The following GTF2A1L variants were observed in gnomAD, a reference collection of about 807,000 sequenced individuals.
GTF2A1L encodes TFIIA-alpha and beta-like factor.
Under a neutral mutation model 49.7 loss-of-function variants are expected in GTF2A1L, and 48 were observed. The observed-to-expected ratio is 0.97, with a 90% confidence interval of 0.77 to 1.23. GTF2A1L has a LOEUF of 1.23. Among genes scored for constraint, GTF2A1L ranks in the 50% most tolerant of loss-of-function variants. The pLI is 0.00. For missense variants in GTF2A1L, 736 were observed against 564.8 expected (o/e 1.30, Z -3.07); for synonymous variants, 246 against 193.5 (o/e 1.27, Z -2.25).
At chr2:48,650,407 A>G (rs983891245) in intron 6 of GTF2A1L, among the ~76,000 whole-genome samples, 1 of 152,190 alleles carries the variant, frequency 6.6e-6, no homozygotes, top group African/African-American at 2.4e-5. Flanking sequence ...ATTGTAATAT[A>G]TAGTCAAGGC....
chr2:48,648,764 C>A (rs531654769), intron 6 of GTF2A1L, among the ~76,000 whole-genome samples: 1 of 152,154 alleles, frequency 6.6e-6, no homozygotes, highest in South Asian at 2.1e-4. Flanking sequence ...TATTGGGTAA[C>A]TTTTCATGTA....
At chr2:48,619,122 G>C (rs1260943875) in intron 1 of GTF2A1L, among the ~76,000 whole-genome samples, 2 of 152,090 alleles carry the variant, frequency 1.3e-5, no homozygotes, top group African/African-American at 4.8e-5. Context: ...TGGCCTATTC[G>C]TATAGGTTTA....
Position 48,620,925 on chromosome 2 carries a change from G to A in GTF2A1L, c.96G>A (p.Glu32=). 6.2e-7 allele frequency: 1 copy of A among 1,603,456 alleles called. No individual in the cohort carries two copies. Among genetic ancestry groups the A allele is most frequent in the Non-Finnish European group, 8.5e-7 (1 of 1,176,466 alleles). The change falls in exon 2 of 9, where the codon GAG becomes GAA. Residue 32 remains glutamate (E), a synonymous_variant. Coordinates refer to ENST00000403751, the MANE Select transcript of GTF2A1L (RefSeq NM_006872.5). ...ATCTATTTGCTGAAGAAGGTATAGA[G>A]GAACAAGTTTTAAAAGACTTGAAGC... The part of the protein sequence containing the change: ...VRNLFAEEGI[E]EQVLKDLKQL...
intron 3 of GTF2A1L, among the ~76,000 whole-genome samples, chr2:48,638,404 A>G (rs1380186917): frequency 6.6e-6 from 1 of 152,238 alleles, no homozygotes; most frequent in Non-Finnish European, 1.5e-5. Context: ...TATCACTGCA[A>G]TGCAAAGTTG....
At chr2:48,622,911 G>T (rs1036658484) in intron 3 of GTF2A1L, among the ~76,000 whole-genome samples, 7 of 132,986 alleles carry the variant, frequency 5.3e-5, no homozygotes, top group African/African-American at 2.0e-4. Flanking sequence ...TTTGCCGCAA[G>T]ATGGTAATAT....
At chr2:48,673,480 A>G (rs1679285932) in intron 8 of GTF2A1L, among the ~76,000 whole-genome samples, 1 of 149,332 alleles carries the variant, frequency 6.7e-6, no homozygotes, top group Admixed American at 6.9e-5. Flanking sequence ...TTCCTGCCTC[A>G]GCCTCCCAAG....
In GTF2A1L at chr2:48,670,096, A is replaced by C. The variant is rs201780894; in HGVS notation, c.1239+114A>C. The C allele has an allele frequency of 2.8e-6, 4 of 1,428,176 alleles. No homozygotes were observed. In the East Asian group the frequency reaches 1.0e-4, roughly 36 times the overall value. 88.5% of individuals were successfully genotyped at this position (1,428,176 alleles called of 1,614,324 possible). A position where few individuals can be genotyped will look rare whatever the true frequency, so the allele number is the denominator to read the frequency against. ...TTAATCTTTTCTTTACTCTTTTGAA[A>C]TAAGACTTATTTGGGGCCGGGCACG... is the stretch of plus-strand genomic sequence containing the variant. On this transcript the variant is annotated intron_variant, in intron 7 of 8. Transcript: ENST00000403751.
At chr2:48,657,420 G>T (rs1253517672) in intron 6 of GTF2A1L, among the ~76,000 whole-genome samples, 2 of 152,098 alleles carry the variant, frequency 1.3e-5, no homozygotes, top group African/African-American at 4.8e-5. Flanking sequence ...GCATGTTGCT[G>T]CAAAGAACAT....
intron 7 of GTF2A1L, 52 bp downstream of exon 7, chr2:48,670,034 A>G (rs763189833): frequency 4.5e-6 from 7 of 1,549,594 alleles, no homozygotes; most frequent in Admixed American, 2.0e-5. Flanking sequence ...TAACATTTCT[A>G]CTTTATTATG....
chr2:48,633,967 T>G (rs1483426397), intron 3 of GTF2A1L, among the ~76,000 whole-genome samples: 2 of 152,172 alleles, frequency 1.3e-5, no homozygotes, highest in Non-Finnish European at 2.9e-5. Context: ...TTTTTTGTTT[T>G]CTATTTGCTT....
chr2:48,646,142 A>G (rs1299693209), intron 5 of GTF2A1L, among the ~76,000 whole-genome samples: 1 of 152,132 alleles, frequency 6.6e-6, no homozygotes, highest in Non-Finnish European at 1.5e-5. Context: ...TTATCAAACA[A>G]TGGAAGAGGT....
intron 4 of GTF2A1L, among the ~76,000 whole-genome samples, chr2:48,642,856 C>G (rs13010790): frequency 0.2 from 19,907 of 101,996 alleles, 1,572 homozygotes; most frequent in African/African-American, 0.29. Flanking sequence ...AATTCTGTCT[C>G]AAAGAAAAAA....
Position 48,646,888 on chromosome 2 carries a change from A to G in GTF2A1L, c.824A>G (p.His275Arg), listed in dbSNP as rs1677546121. The change falls in exon 6 of 9, where the codon CAT (histidine) becomes CGT (arginine). Residue 275 changes from histidine (H) to arginine (R), a missense_variant. Coordinates refer to ENST00000403751, the MANE Select transcript of GTF2A1L (RefSeq NM_006872.5). ...SGSASMAQNLHDESLSTSPHG... is the reference protein window; with the variant it reads ...SGSASMAQNLRDESLSTSPHG... ...TCAGCTAGCATGGCTCAAAATCTGC[A>G]TGATGAGTCCCTCTCCACAAGCCCT... 1 of 1,614,208 alleles carries G rather than the reference A, an allele frequency of 6.2e-7. No individual in the cohort carries two copies. Among genetic ancestry groups the G allele is most frequent in the African/African-American group, 1.3e-5 (1 of 75,062 alleles).
chr2:48,666,900 A>T (rs1281361854), intron 6 of GTF2A1L, among the ~76,000 whole-genome samples: 1 of 151,834 alleles, frequency 6.6e-6, no homozygotes, highest in African/African-American at 2.4e-5. Context: ...TGACATTTCT[A>T]ACTGTCTCTG....
chr2:48,646,972 T>A lies in GTF2A1L; in HGVS notation c.908T>A (p.Met303Lys). The A allele has an allele frequency of 6.2e-7, 1 of 1,614,042 alleles. No homozygotes were observed. The highest frequency in any genetic ancestry group is 8.5e-7 in the Non-Finnish European group (1 of 1,179,982). The stretch of plus-strand genomic sequence containing the variant: ...CAGCTTCATATTCTTAAAAATAGGA[T>A]GTATGGATGTGATTCTGTAAAGCAA... ...DIQLHILKNR[M>K]YGCDSVKQPR... Residue 303 changes from methionine (M) to lysine (K), a missense_variant, in exon 6 of 9, where the codon ATG becomes AAG. Coordinates refer to ENST00000403751, the MANE Select transcript of GTF2A1L (RefSeq NM_006872.5).
Position 48,679,385 on chromosome 2 carries a change from G to A in GTF2A1L, c.1380G>A (p.Met460Ile). The A allele has an allele frequency of 6.2e-7, 1 of 1,612,360 alleles. No individual in the cohort carries two copies. Among genetic ancestry groups the A allele is most frequent in the Non-Finnish European group, 8.5e-7 (1 of 1,179,008 alleles). The change falls in exon 9 of 9, where the codon ATG (methionine) becomes ATA (isoleucine). Residue 460 changes from methionine to isoleucine, a missense_variant. Met to Ile is a conservative substitution (Grantham distance 10, BLOSUM62 1). Coordinates refer to ENST00000403751, the MANE Select transcript of GTF2A1L (RefSeq NM_006872.5). ...KWKFYLKDGV[M>I]CFGGRDYVFA... ...AATTCTATTTGAAAGATGGTGTTAT[G>A]TGTTTTGGAGGGAGAGACTATGTAT...
chr2:48,631,152 T>C (rs527997146), intron 3 of GTF2A1L, among the ~76,000 whole-genome samples: 93 of 152,120 alleles, frequency 6.1e-4, no homozygotes, highest in African/African-American at 2.0e-3. Flanking sequence ...TAGAGAGGAG[T>C]CCCTTCTCCT....
At chr2:48,670,135 G>A (rs1282015181) in intron 7 of GTF2A1L, among the ~76,000 whole-genome samples, 153 bp downstream of exon 7, 1 of 152,190 alleles carries the variant, frequency 6.6e-6, no homozygotes, top group Non-Finnish European at 1.5e-5. Flanking sequence ...GCTCACACAT[G>A]TAATCCCAGC....
chr2:48,637,808 A>G (rs971209863), intron 3 of GTF2A1L, among the ~76,000 whole-genome samples: 2 of 152,140 alleles, frequency 1.3e-5, no homozygotes, highest in African/African-American at 4.8e-5. Flanking sequence ...AGAAATAAAA[A>G]TAACCATCAG....
Sources: gnomAD v4.1 joint callset for allele counts (sites outside exome capture counted in the v4.1 genomes callset) on GRCh38, gnomAD v4.1.1 for gene constraint, MANE v1.5 for transcripts, NCBI Gene and HGNC (gene_info 2026-07-23, HGNC 2026-07-21) for gene names.